Variants in NR6A1 observed in about 807,000 individuals in gnomAD.
NR6A1 encodes retinoic acid receptor-related testis-associated receptor.
In NR6A1, 7 loss-of-function variants were observed where a neutral mutation model predicts 59.1. The observed-to-expected ratio is 0.12, with a 90% CI of 0.07 to 0.22. NR6A1 has a LOEUF of 0.22. Among genes scored for constraint, NR6A1 ranks in the 10% least tolerant of loss-of-function variants. NR6A1 has a pLI of 1.00. For synonymous variants in NR6A1, 243 were observed against 236.1 expected (o/e 1.03, Z -0.27); for missense variants, 468 against 611.6 (o/e 0.77, Z 2.48).
chr9:124,612,780 TTTTCTTTCTTTCTTTTCTTTC>T (rs1013402819), intron 2 of NR6A1, among the ~76,000 whole-genome samples: 10 of 144,758 alleles, frequency 6.9e-5, no homozygotes, highest in African/African-American at 2.2e-4. Context: ...TAGTTTGGGT[TTTTCTTTCTTTCTTTTCTTTC>T]TTTCTTTCTT....
At chr9:124,735,607 G>A (rs1434766086) in intron 1 of NR6A1, among the ~76,000 whole-genome samples, 1 of 152,222 alleles carries the variant, frequency 6.6e-6, no homozygotes, top group African/African-American at 2.4e-5. Context: ...TGAAATACCA[G>A]AATTTAGAAG....
chr9:124,639,869 G>A (rs367761982), intron 2 of NR6A1, among the ~76,000 whole-genome samples: 2 of 152,138 alleles, frequency 1.3e-5, no homozygotes, highest in African/African-American at 4.8e-5. Context: ...AAGAGAGAAA[G>A]GAAGCAGCAG....
chr9:124,633,118 C>T (rs1027130940), intron 2 of NR6A1, among the ~76,000 whole-genome samples: 4 of 152,068 alleles, frequency 2.6e-5, no homozygotes, highest in East Asian at 3.9e-4. Context: ...ATGGAAGACA[C>T]TTCAGGCCGG....
rs536214810 is a variant in NR6A1, at chr9:124,674,734, C to T, written c.142+58574G>A. 1.3e-4 allele frequency among the ~76,000 whole-genome samples: 20 copies of T among 152,156 alleles called. No individual in the cohort carries two copies. In the East Asian group the frequency reaches 3.7e-3, roughly 28 times the overall value. Reference sequence around the variant, plus strand: ...ATGGAAATATTCATATACCCATCTTCAAAAATGGGAGGAAAAAAGGCTGAA... The same window carrying T: ...ATGGAAATATTCATATACCCATCTTTAAAAATGGGAGGAAAAAAGGCTGAA... On this transcript the variant is annotated intron_variant, in intron 2 of 9. Coordinates refer to ENST00000487099, the MANE Select transcript of NR6A1 (RefSeq NM_033334.4).
chr9:124,526,442 T>C (rs1012672191), intron 8 of NR6A1, among the ~76,000 whole-genome samples: 2 of 152,122 alleles, frequency 1.3e-5, no homozygotes, highest in African/African-American at 4.8e-5. Flanking sequence ...ACTTGGTACA[T>C]ATTTAAAATG....
intron 2 of NR6A1, chr9:124,698,732 A>C (rs1257859781): frequency 6.6e-6 from 1 of 152,170 alleles, no homozygotes; most frequent in Non-Finnish European, 1.5e-5. Context: ...CAAGCACAGG[A>C]TACCTTCAGC....
At chr9:124,592,153 C>T (rs915148762) in intron 2 of NR6A1, among the ~76,000 whole-genome samples, 1 of 152,132 alleles carries the variant, frequency 6.6e-6, no homozygotes, top group South Asian at 2.1e-4. Flanking sequence ...AACATGATTG[C>T]AGCGATGTTT....
intron 2 of NR6A1, among the ~76,000 whole-genome samples, chr9:124,644,622 G>A (rs1758667609): frequency 6.6e-6 from 1 of 152,158 alleles, no homozygotes; most frequent in South Asian, 2.1e-4. Flanking sequence ...GGAAAAAGTT[G>A]TATCCAAACT....
intron 2 of NR6A1, among the ~76,000 whole-genome samples, chr9:124,596,204 T>C (rs187769655): frequency 3.9e-4 from 60 of 152,220 alleles, no homozygotes; most frequent in Non-Finnish European, 7.6e-4. Flanking sequence ...AACTATTCTA[T>C]GCTATAGTCT....
At chr9:124,653,980 C>G (rs1837175960) in intron 2 of NR6A1, among the ~76,000 whole-genome samples, 1 of 152,032 alleles carries the variant, frequency 6.6e-6, no homozygotes, top group South Asian at 2.1e-4. Flanking sequence ...GAATTTTATC[C>G]TAAATTAATA....
intron 2 of NR6A1, among the ~76,000 whole-genome samples, chr9:124,672,273 A>T (rs115720671): frequency 0.01 from 1,553 of 152,250 alleles, 26 homozygotes; most frequent in African/African-American, 0.035. Context: ...ATTCTTGTAC[A>T]TATCTTTCAG....
At chr9:124,599,655 G>A in intron 2 of NR6A1, 2 of 1,125,436 alleles carry the variant, frequency 1.8e-6, no homozygotes, top group South Asian at 3.0e-5. Context: ...ACTACTCGTA[G>A]CTCCTTCCCT....
At chr9:124,641,466 C>A (rs904899609) in intron 2 of NR6A1, among the ~76,000 whole-genome samples, 3 of 152,030 alleles carry the variant, frequency 2.0e-5, no homozygotes, top group Non-Finnish European at 4.4e-5. Flanking sequence ...ACTTAGGAGG[C>A]CAAGGCAGGA....
chr9:124,763,544 G>C (rs1323368008), intron 1 of NR6A1, among the ~76,000 whole-genome samples: 1 of 152,204 alleles, frequency 6.6e-6, no homozygotes, highest in African/African-American at 2.4e-5. Flanking sequence ...CAATAAATGG[G>C]AAGAGATTAA....
At chr9:124,757,224 C>T (rs1339612177) in intron 1 of NR6A1, among the ~76,000 whole-genome samples, 12 of 151,708 alleles carry the variant, frequency 7.9e-5, no homozygotes, top group Non-Finnish European at 2.9e-5. Flanking sequence ...AATTATCCCC[C>T]AAAATAAGCC....
intron 2 of NR6A1, among the ~76,000 whole-genome samples, chr9:124,629,863 C>A (rs1338168411): frequency 6.6e-6 from 1 of 152,196 alleles, no homozygotes; most frequent in Non-Finnish European, 1.5e-5. Flanking sequence ...AAGGGAGGAA[C>A]TGACTCCAGT....
At chr9:124,634,903 T>C (rs1372180177) in intron 2 of NR6A1, among the ~76,000 whole-genome samples, 1 of 152,122 alleles carries the variant, frequency 6.6e-6, no homozygotes, top group Non-Finnish European at 1.5e-5. Context: ...AGATTTCCCA[T>C]ATTCCCCACC....
At chr9:124,684,156 GC>G (rs1838255599) in intron 2 of NR6A1, among the ~76,000 whole-genome samples, 1 of 152,174 alleles carries the variant, frequency 6.6e-6, no homozygotes, top group Non-Finnish European at 1.5e-5. Flanking sequence ...TGACCAAGCT[GC>G]CTCTCTTCCT....
At chr9:124,696,241 T>G (rs897548234) in intron 2 of NR6A1, among the ~76,000 whole-genome samples, 1 of 151,454 alleles carries the variant, frequency 6.6e-6, no homozygotes, top group Non-Finnish European at 1.5e-5. Flanking sequence ...CTGGGAAGAG[T>G]CACTAAGCAG....
Sources: allele counts gnomAD v4.1 joint callset (sites outside exome capture counted in the v4.1 genomes callset), GRCh38; gene constraint gnomAD v4.1.1; transcripts MANE v1.5; gene names NCBI Gene and HGNC (gene_info 2026-07-23, HGNC 2026-07-21).